Variants in MAML3 observed in about 807,000 individuals in gnomAD.
MAML3 encodes mastermind like transcriptional coactivator 3.
Under a neutral mutation model 101.9 loss-of-function variants are expected in MAML3, and 27 were observed. The observed-to-expected ratio is 0.27, with a 90% CI of 0.20 to 0.37. MAML3 has a LOEUF of 0.37. Among genes scored for constraint, MAML3 ranks in the 10% least tolerant of loss-of-function variants. The pLI is 1.00. For missense variants in MAML3, 1,316 were observed against 1,444.9 expected, an observed-to-expected ratio of 0.91 and a Z score of 1.45; for synonymous variants, 501 against 555.9, an observed-to-expected ratio of 0.90 and a Z score of 1.39.
At chr4:139,913,740 G>A (rs959249182) in intron 1 of MAML3, among the ~76,000 whole-genome samples, 4 of 152,154 alleles carry the variant, frequency 2.6e-5, no homozygotes, top group Non-Finnish European at 5.9e-5. Flanking sequence ...TACGGCGGGC[G>A]CCCCTTGGAA....
intron 2 of MAML3, among the ~76,000 whole-genome samples, chr4:139,859,371 A>ATT (rs11343508): frequency 4.3e-5 from 6 of 140,648 alleles, no homozygotes; most frequent in African/African-American, 5.3e-5. Context: ...TGCCTGGCTA[A>ATT]TTTTTTTTTT....
At chr4:140,134,341 T>A (rs568704471) in intron 1 of MAML3, 1 of 456,636 alleles carries the variant, frequency 2.2e-6, no homozygotes, top group Admixed American at 2.3e-5. Flanking sequence ...GCGAGGCAAG[T>A]CAAGAAGAAA....
rs1436794281 is a variant in MAML3 at position 140,126,871 on chromosome 4, CT to C, written c.468+25988del. 5.9e-5 allele frequency among the ~76,000 whole-genome samples: 9 copies of C among 152,284 alleles called. No homozygotes were observed. In the East Asian group the frequency reaches 1.2e-3, roughly 20 times the overall value. On this transcript the variant is annotated intron_variant, in intron 1 of 4. Transcript: ENST00000509479. Reference sequence around the variant, plus strand: ...CATCCCTGATTTCTCTCAGTCCCCCCTGTCTACTCAATGGACTCCTTAATAT... The same window carrying C: ...CATCCCTGATTTCTCTCAGTCCCCCCGTCTACTCAATGGACTCCTTAATAT...
intron 1 of MAML3, among the ~76,000 whole-genome samples, chr4:139,970,011 G>C (rs1307511849): frequency 6.6e-6 from 1 of 152,182 alleles, no homozygotes; most frequent in Non-Finnish European, 1.5e-5. Context: ...AGCATTTGAT[G>C]AAGATTTTTC....
rs1277639046 is a variant in MAML3 at position 139,781,716 on chromosome 4, C to T, written c.2080-51049G>A. On this transcript the variant is annotated intron_variant, in intron 2 of 4. Transcript: ENST00000509479. The stretch of plus-strand genomic sequence containing the variant: ...GGTTTTACTTTTAGGGCACTGAGCT[C>T]AAGCCAAGCTTGTTCCATGGCTGGG... Among the ~76,000 whole-genome samples, 3 of 152,056 alleles carry T rather than the reference C, an allele frequency of 2.0e-5. No homozygotes were observed. The East Asian group carries it at 5.8e-4, about 29-fold the overall frequency.
intron 1 of MAML3, among the ~76,000 whole-genome samples, chr4:140,091,554 A>AC (rs1728052619): frequency 6.7e-6 from 1 of 150,222 alleles, no homozygotes; most frequent in African/African-American, 2.4e-5. Flanking sequence ...AAAACAAAAA[A>AC]AAAAAACAGG....
chr4:139,844,090 G>T (rs946022898), intron 2 of MAML3, among the ~76,000 whole-genome samples: 3 of 152,236 alleles, frequency 2.0e-5, no homozygotes, highest in Non-Finnish European at 4.4e-5. Context: ...AATATGTGAG[G>T]TGCGGGTAGA....
intron 1 of MAML3, among the ~76,000 whole-genome samples, chr4:140,075,307 T>G (rs1727747575): frequency 6.6e-6 from 1 of 152,148 alleles, no homozygotes; most frequent in South Asian, 2.1e-4. Context: ...TCTGAGATTT[T>G]CCAAAATTAA....
chr4:139,869,390 A>G (rs1167275793), intron 2 of MAML3, among the ~76,000 whole-genome samples: 1 of 152,096 alleles, frequency 6.6e-6, no homozygotes, highest in African/African-American at 2.4e-5. Context: ...TGTTTTTAAT[A>G]TGCAGTGTCC....
At chr4:139,816,459 C>A (rs1188757567) in intron 2 of MAML3, among the ~76,000 whole-genome samples, 2 of 152,116 alleles carry the variant, frequency 1.3e-5, no homozygotes, top group Non-Finnish European at 2.9e-5. Context: ...TTACACCATT[C>A]GAACAGAGTA....
At chr4:139,750,116 G>A (rs1729458655) in intron 2 of MAML3, among the ~76,000 whole-genome samples, 1 of 152,114 alleles carries the variant, frequency 6.6e-6, no homozygotes, top group African/African-American at 2.4e-5. Context: ...GAATTCATCT[G>A]CAAGAATTCC....
intron 1 of MAML3, among the ~76,000 whole-genome samples, chr4:140,135,225 T>G (rs1728864132): frequency 6.6e-6 from 1 of 152,210 alleles, no homozygotes; most frequent in African/African-American, 2.4e-5. Flanking sequence ...AACACTGTCT[T>G]GTAAAAACCA....
chr4:139,835,891 C>A (rs1351566070), intron 2 of MAML3, among the ~76,000 whole-genome samples: 1 of 152,172 alleles, frequency 6.6e-6, no homozygotes, highest in Non-Finnish European at 1.5e-5. Context: ...AAAATTCCAT[C>A]TATATAATGG....
intron 1 of MAML3, among the ~76,000 whole-genome samples, chr4:139,943,488 G>A (rs1248950307): frequency 2.0e-5 from 3 of 152,202 alleles, no homozygotes; most frequent in Non-Finnish European, 4.4e-5. Flanking sequence ...GGTGGGTTAT[G>A]GGGGATGGGC....
At chr4:140,091,465 A>G (rs1728046344) in intron 1 of MAML3, among the ~76,000 whole-genome samples, 1 of 150,316 alleles carries the variant, frequency 6.7e-6, no homozygotes, top group Non-Finnish European at 1.5e-5. Flanking sequence ...TTCCTTGCAC[A>G]AGGCAAGAGG....
intron 2 of MAML3, among the ~76,000 whole-genome samples, chr4:139,887,301 G>T (rs1437171732): frequency 6.6e-6 from 1 of 152,168 alleles, no homozygotes; most frequent in Non-Finnish European, 1.5e-5. Context: ...TAAAAAGCAC[G>T]CTTTTACCTG....
At position 139,889,484 on chromosome 4, in the gene MAML3, GGCTGCTGCTGCT is replaced by G. The variant is rs533638458; in HGVS notation, c.1940_1951del (p.Gln647_Gln650del). The G allele has an allele frequency of 7.9e-7, 1 of 1,258,618 alleles. No individual in the cohort carries two copies. Among genetic ancestry groups the G allele is most frequent in the Non-Finnish European group, 1.1e-6 (1 of 906,452 alleles). The allele number at this position is 1,258,618 out of a possible 1,614,324, so 78.0% of individuals were successfully genotyped here. A position where few individuals can be genotyped will look rare whatever the true frequency, so the allele number is the denominator to read the frequency against. The stretch of plus-strand genomic sequence containing the variant: ...GGGGGCCTGGAGCTGTGGAGGTGGC[GGCTGCTGCTGCT>G]GCTGCTGCTGCTGTTGCTGTTGCTG... On this transcript the variant is annotated inframe_deletion, in exon 2 of 5. Transcript: ENST00000509479.
chr4:139,891,558 G>C (rs1732499823), intron 1 of MAML3, among the ~76,000 whole-genome samples: 1 of 152,222 alleles, frequency 6.6e-6, no homozygotes, highest in Non-Finnish European at 1.5e-5. Flanking sequence ...GATTACAAGT[G>C]TGAGCCACCA....
chr4:139,833,089 G>A (rs941214566), intron 2 of MAML3, among the ~76,000 whole-genome samples: 1 of 152,164 alleles, frequency 6.6e-6, no homozygotes, highest in Non-Finnish European at 1.5e-5. Flanking sequence ...ATCGATAAAC[G>A]GAGGTTCAGC....
Sources: allele counts gnomAD v4.1 joint callset (sites outside exome capture counted in the v4.1 genomes callset), GRCh38; gene constraint gnomAD v4.1.1; transcripts MANE v1.5; gene names NCBI Gene and HGNC (gene_info 2026-07-23, HGNC 2026-07-21).